CALN1: variants seen among roughly 807,000 people sequenced by gnomAD.
The protein encoded by CALN1 is calneuron 1.
Under a neutral mutation model 30.6 loss-of-function variants are expected in CALN1, and 17 were observed. The observed-to-expected ratio is 0.56, with a 90% CI of 0.38 to 0.83. The LOEUF (loss-of-function observed/expected upper bound fraction) is 0.83. Ranked by LOEUF, CALN1 falls within the 40% of genes least tolerant of loss-of-function variation. CALN1 has a pLI of 0.00. For missense variants in CALN1, 291 were observed against 354.9 expected (o/e 0.82, Z 1.45); for synonymous variants, 156 against 131.4 (o/e 1.19, Z -1.28).
At chr7:72,022,996 GTAATT>G (rs539947016) in intron 5 of CALN1, among the ~76,000 whole-genome samples, 302 of 150,992 alleles carry the variant, frequency 2.0e-3, no homozygotes, top group Admixed American at 3.7e-3. Context: ...TGTCTAACTG[GTAATT>G]TAATTTAATT....
At chr7:72,496,159 T>C in the CALN1 span, among the ~76,000 whole-genome samples, 1 of 152,176 alleles carries the variant, frequency 6.6e-6, no homozygotes, top group Non-Finnish European at 1.5e-5. Context: ...TGACCTTAGG[T>C]GATCCACCTG....
chr7:72,308,640 C>A (rs958089493), intron 2 of CALN1, among the ~76,000 whole-genome samples: 1 of 152,182 alleles, frequency 6.6e-6, no homozygotes, highest in Non-Finnish European at 1.5e-5. Context: ...GAGCTACCAT[C>A]CTCCCATGTC....
At chr7:72,332,256 G>A (rs1801730242) in intron 2 of CALN1, among the ~76,000 whole-genome samples, 1 of 152,114 alleles carries the variant, frequency 6.6e-6, no homozygotes, top group South Asian at 2.1e-4. Flanking sequence ...CAGAAGCAGT[G>A]CTGCAGTCAT....
chr7:72,230,161 A>G (rs1177697953), intron 3 of CALN1, among the ~76,000 whole-genome samples: 1 of 151,790 alleles, frequency 6.6e-6, no homozygotes, highest in Non-Finnish European at 1.5e-5. Flanking sequence ...AACAAAAACA[A>G]AAAACAAAAC....
chr7:72,134,794 A>T (rs1250465957), intron 3 of CALN1, among the ~76,000 whole-genome samples: 2 of 152,188 alleles, frequency 1.3e-5, no homozygotes, highest in Admixed American at 1.3e-4. Flanking sequence ...TTCATTTCAT[A>T]AAAAAATTAA....
At chr7:72,368,157 G>GTATA (rs150410575) in intron 2 of CALN1, among the ~76,000 whole-genome samples, 4 of 150,540 alleles carry the variant, frequency 2.7e-5, no homozygotes, top group African/African-American at 9.8e-5. Flanking sequence ...CTATGTGTGT[G>GTATA]TATATATATA....
At chr7:71,849,633 T>C (rs1189798874) in intron 5 of CALN1, among the ~76,000 whole-genome samples, 2 of 152,152 alleles carry the variant, frequency 1.3e-5, no homozygotes, top group Non-Finnish European at 2.9e-5. Flanking sequence ...AAAGGTCTTC[T>C]ATATTATTAG....
chr7:72,300,993 CAAAT>C (rs907036846), intron 2 of CALN1, among the ~76,000 whole-genome samples: 3 of 151,632 alleles, frequency 2.0e-5, no homozygotes, highest in Admixed American at 6.6e-5. Context: ...GACTCTGTCT[CAAAT>C]AAATAAATAA....
intron 4 of CALN1, among the ~76,000 whole-genome samples, chr7:72,104,549 C>A (rs567439112): frequency 1.3e-3 from 193 of 152,272 alleles, no homozygotes; most frequent in African/African-American, 4.5e-3. Context: ...AATGCTCTCC[C>A]TCCCCACCCC....
At chr7:72,501,948 T>TATATATACACAC in the CALN1 span, among the ~76,000 whole-genome samples, 14 of 72,352 alleles carry the variant, frequency 1.9e-4, 1 homozygote, top group East Asian at 5.6e-4. Context: ...TATATATATA[T>TATATATACACAC]ACACACATAT....
At chr7:72,213,517 G>A (rs1243173340) in intron 3 of CALN1, among the ~76,000 whole-genome samples, 2 of 152,102 alleles carry the variant, frequency 1.3e-5, no homozygotes, top group African/African-American at 4.8e-5. Flanking sequence ...ATTGGATTTC[G>A]GTGAGGGATG....
chr7:72,309,825 T>C (rs568930909), intron 2 of CALN1, among the ~76,000 whole-genome samples: 3 of 152,236 alleles, frequency 2.0e-5, no homozygotes, highest in East Asian at 3.9e-4. Context: ...CGACCTTCCT[T>C]CATCACCAGG....
intron 3 of CALN1, among the ~76,000 whole-genome samples, chr7:72,265,820 T>C (rs1379657851): frequency 6.6e-6 from 1 of 151,990 alleles, no homozygotes; most frequent in African/African-American, 2.4e-5. Context: ...AGTATTTAGA[T>C]CACCTGTTGG....
chr7:72,017,017 A>AAAAAAAAAAAAAAACAG (rs1562979451), intron 5 of CALN1, among the ~76,000 whole-genome samples: 1 of 147,484 alleles, frequency 6.8e-6, no homozygotes, highest in African/African-American at 2.6e-5. Flanking sequence ...AAAAAAAAAA[A>AAAAAAAAAAAAAAACAG]GCTGGGTATG....
At chr7:71,919,900 G>C (rs1266100539) in intron 5 of CALN1, among the ~76,000 whole-genome samples, 1 of 152,208 alleles carries the variant, frequency 6.6e-6, no homozygotes, top group African/African-American at 2.4e-5. Flanking sequence ...TCTAATGACA[G>C]TATTTCCCGA....
At chr7:72,315,848 C>A (rs748274185) in intron 2 of CALN1, among the ~76,000 whole-genome samples, 2 of 152,018 alleles carry the variant, frequency 1.3e-5, no homozygotes, top group Non-Finnish European at 2.9e-5. Flanking sequence ...CCTGATAATT[C>A]CTCTTCTAAG....
chr7:72,174,042 A>T (rs1170691745), intron 3 of CALN1, among the ~76,000 whole-genome samples: 1 of 152,138 alleles, frequency 6.6e-6, no homozygotes, highest in Non-Finnish European at 1.5e-5. Context: ...CATGCAAACA[A>T]AGAACTTATA....
chr7:72,001,160 G>A (rs1799510275), intron 5 of CALN1, among the ~76,000 whole-genome samples: 1 of 152,130 alleles, frequency 6.6e-6, no homozygotes, highest in Admixed American at 6.5e-5. Context: ...TGAAACTGGT[G>A]ATCAGCTTCT....
At chr7:72,390,767 CTTA>C (rs1805529822) in intron 2 of CALN1, among the ~76,000 whole-genome samples, 2 of 152,102 alleles carry the variant, frequency 1.3e-5, no homozygotes, top group Admixed American at 1.3e-4. Flanking sequence ...ACCAATAGCC[CTTA>C]TTATTTAATA....
Sources: allele counts gnomAD v4.1 joint callset (sites outside exome capture counted in the v4.1 genomes callset), GRCh38; gene constraint gnomAD v4.1.1; transcripts MANE v1.5; gene names NCBI Gene and HGNC (gene_info 2026-07-23, HGNC 2026-07-21).